The following PXK variants were observed in gnomAD, a reference collection of about 807,000 sequenced individuals.
PXK encodes the protein PX domain containing serine/threonine kinase like, also known as PX domain-containing protein kinase-like protein.
A neutral mutation model predicts 84.7 loss-of-function variants in PXK; 35 were observed. The observed-to-expected ratio is 0.41, with a 90% confidence interval of 0.32 to 0.55. The LOEUF is 0.55. Among genes scored for constraint, PXK ranks in the 20% least tolerant of loss-of-function variants. The probability of loss-of-function intolerance (pLI) is 0.21; values close to 1 mark genes in which losing one functional copy is unlikely to be tolerated. For missense variants in PXK, 634 were observed against 699.7 expected (o/e 0.91, Z 1.06); for synonymous variants, 253 against 260.8 (o/e 0.97, Z 0.29).
chr3:58,333,038 C>A lies in PXK; in HGVS notation c.50C>A (p.Thr17Lys). The change falls in exon 1 of 18, where the codon ACG becomes AAG. Residue 17 changes from threonine to lysine, a missense_variant. Thr to Lys is a moderately conservative substitution (Grantham distance 78). Transcript: ENST00000356151. The surrounding 1 kb of genome is among the most constrained non-coding windows in gnomAD (Gnocchi z 5.4). ...GCCGGCAAGGTGCTGCTGGACGACA[C>A]GGTGCCGCTGACAGCAGCCATCGAG... ...PPAGKVLLDD[T>K]VPLTAAIEAS... The A allele has an allele frequency of 7.4e-7, 1 of 1,353,378 alleles. No homozygotes were observed. Among genetic ancestry groups the A allele is most frequent in the Non-Finnish European group, 9.6e-7 (1 of 1,038,768 alleles). The allele number at this position is 1,353,378 out of a possible 1,614,324, so 83.8% of individuals were successfully genotyped here.
chr3:58,341,485 C>A (rs1276341634), intron 1 of PXK, among the ~76,000 whole-genome samples: 1 of 152,050 alleles, frequency 6.6e-6, no homozygotes, highest in East Asian at 1.9e-4. Flanking sequence ...TTGCTTGAAC[C>A]CAGGGGACGG....
At chr3:58,336,577 C>A (rs2097616413) in intron 1 of PXK, among the ~76,000 whole-genome samples, 1 of 152,028 alleles carries the variant, frequency 6.6e-6, no homozygotes, top group Non-Finnish European at 1.5e-5. Context: ...TGGTGAAAAG[C>A]CACACAGGTG....
intron 13 of PXK, 95 bp downstream of exon 13, chr3:58,404,005 A>C: frequency 1.2e-6 from 1 of 802,942 alleles, no homozygotes; most frequent in Non-Finnish European, 1.8e-6. Context: ...AAGATATATA[A>C]TAGGGAAAAT....
rs151001884 is a variant in PXK at position 58,395,006 on chromosome 3, C to A, written c.624C>A (p.Tyr208Ter). 3 of 1,611,574 alleles carry A rather than the reference C, an allele frequency of 1.9e-6. No individual in the cohort carries two copies. Among genetic ancestry groups the A allele is most frequent in the Non-Finnish European group, 2.5e-6 (3 of 1,177,876 alleles). The change falls in exon 8 of 18, where the codon TAC becomes TAA. Residue 208 changes from tyrosine to a stop codon, truncating the protein, a stop_gained. Coordinates refer to ENST00000356151, the MANE Select transcript of PXK (RefSeq NM_017771.5). LOFTEE classifies it high-confidence loss of function. Reference sequence around the variant, plus strand: ...CTTTTTTGTTTTGACAGCACCCTTACATCTATCGGGTTACCTTTGCCACAG... The same window carrying A: ...CTTTTTTGTTTTGACAGCACCCTTAAATCTATCGGGTTACCTTTGCCACAG... ...IKLLPSCLHP[Y>*]IYRVTFATAN...
chr3:58,352,350 A>G (rs2097948473), intron 1 of PXK, among the ~76,000 whole-genome samples: 1 of 152,150 alleles, frequency 6.6e-6, no homozygotes, highest in Admixed American at 6.5e-5. Flanking sequence ...GGAGCTGGCC[A>G]CCTCAGATAC....
intron 1 of PXK, among the ~76,000 whole-genome samples, chr3:58,348,331 C>CA (rs1361036335): frequency 6.6e-6 from 1 of 152,190 alleles, no homozygotes; most frequent in Non-Finnish European, 1.5e-5. Flanking sequence ...TGAAAGAGGA[C>CA]AAGCTAGTGG....
At chr3:58,406,731 T>A (rs937819135) in intron 13 of PXK, among the ~76,000 whole-genome samples, 7 of 152,104 alleles carry the variant, frequency 4.6e-5, no homozygotes, top group Non-Finnish European at 1.0e-4. Context: ...ACTCCCCATT[T>A]CTCCCTCCCC....
At chr3:58,337,368 A>G (rs545949528) in intron 1 of PXK, among the ~76,000 whole-genome samples, 6 of 152,340 alleles carry the variant, frequency 3.9e-5, no homozygotes, top group Admixed American at 1.3e-4. Context: ...TCATTCATTC[A>G]ACAAAAATGT....
chr3:58,418,094 C>T (rs895070308), intron 17 of PXK, among the ~76,000 whole-genome samples: 1 of 152,230 alleles, frequency 6.6e-6, no homozygotes, highest in Non-Finnish European at 1.5e-5. Context: ...AGTGGGATTA[C>T]AGGCATGAGC....
rs1359110449 is a variant in PXK at position 58,378,496 on chromosome 3, T to C, written c.202-4018T>C. On this transcript the variant is annotated intron_variant, in intron 3 of 17. Coordinates refer to ENST00000356151, the MANE Select transcript of PXK (RefSeq NM_017771.5). The stretch of plus-strand genomic sequence containing the variant: ...GATTTGGACTTCATTTTTCTTCTTT[T>C]TTTTTTTTTTTTTTTTTGTGTGTGT... 5.6e-4 allele frequency among the ~76,000 whole-genome samples: 20 copies of C among 35,440 alleles called. 2 individuals are homozygous for C. The highest frequency in any genetic ancestry group is 7.8e-4 in the Non-Finnish European group (11 of 14,152). 23.3% of individuals were successfully genotyped at this position (35,440 alleles called of 152,430 possible). A position where few individuals can be genotyped will look rare whatever the true frequency, so the allele number is the denominator to read the frequency against.
At chr3:58,415,303 T>C (rs2060789726) in intron 17 of PXK, among the ~76,000 whole-genome samples, 1 of 152,244 alleles carries the variant, frequency 6.6e-6, no homozygotes, top group Admixed American at 6.5e-5. Context: ...AACTACCTGC[T>C]CTTTCTGACA....
Position 58,383,019 on chromosome 3 carries a change from C to T in PXK, c.388+319C>T, listed in dbSNP as rs759201837. On this transcript the variant is annotated intron_variant, in intron 4 of 17. Transcript: ENST00000356151. The surrounding 1 kb of genome is among the most constrained non-coding windows in gnomAD (Gnocchi z 4.0). ...TAAGTAATCTACAATAGGCCAGACG[C>T]GGTGGCTCATGCCTATAATCCCAGC... is the stretch of plus-strand genomic sequence containing the variant. Among the ~76,000 whole-genome samples, 2 of 152,174 alleles carry T rather than the reference C, an allele frequency of 1.3e-5. No homozygotes were observed. The highest frequency in any genetic ancestry group is 2.4e-5 in the African/African-American group (1 of 41,434).
rs550690372 is a variant in PXK at position 58,407,475 on chromosome 3, A to G, written c.1231-1449A>G. The stretch of plus-strand genomic sequence containing the variant: ...ACCCCTTATCAGACCTATGATTTGC[A>G]AATATTGTGTCCCATTTCTTGAGTT... On this transcript the variant is annotated intron_variant, in intron 13 of 17. Coordinates refer to ENST00000356151, the MANE Select transcript of PXK (RefSeq NM_017771.5). This position sits in a 1 kb window ranked among gnomAD's most constrained non-coding sequence, Gnocchi z 4.3. Among the ~76,000 whole-genome samples the G allele has an allele frequency of 2.5e-4, 38 of 151,490 alleles. No homozygotes were observed. Among genetic ancestry groups the G allele is most frequent in the African/African-American group, 8.7e-4 (36 of 41,368 alleles).
intron 1 of PXK, among the ~76,000 whole-genome samples, chr3:58,337,408 G>T (rs75116253): frequency 0.11 from 16,206 of 152,156 alleles, 1,156 homozygotes; most frequent in African/African-American, 0.19. Flanking sequence ...CCAGGCACAT[G>T]CTAGAGATAG....
Position 58,401,799 on chromosome 3 carries a change from C to T in PXK, c.1182-2063C>T, listed in dbSNP as rs7625605. ...AAAATTAGCCGAGCGTGGTGGCGGGCGTCTGTAGTCCCAGCTACCCAGGAG... is the reference window on the plus strand; with the variant it reads ...AAAATTAGCCGAGCGTGGTGGCGGGTGTCTGTAGTCCCAGCTACCCAGGAG... On this transcript the variant is annotated intron_variant, in intron 12 of 17. Coordinates refer to ENST00000356151, the MANE Select transcript of PXK (RefSeq NM_017771.5). This position sits in a 1 kb window ranked among gnomAD's most constrained non-coding sequence, Gnocchi z 4.4. 0.13 allele frequency among the ~76,000 whole-genome samples: 19,691 copies of T among 151,774 alleles called. 1,953 individuals carry two copies. Among genetic ancestry groups the T allele is most frequent in the African/African-American group, 0.27 (11,188 of 41,298 alleles).
chr3:58,360,825 C>T (rs1316622664), intron 1 of PXK, among the ~76,000 whole-genome samples: 4 of 149,164 alleles, frequency 2.7e-5, no homozygotes, highest in Non-Finnish European at 5.9e-5. Context: ...AAGTGAGACC[C>T]CGACTGAAAA....
chr3:58,340,288 A>G (rs1390383439), intron 1 of PXK, among the ~76,000 whole-genome samples: 2 of 149,626 alleles, frequency 1.3e-5, no homozygotes, highest in Non-Finnish European at 1.5e-5. Flanking sequence ...ATACCTGGCT[A>G]ATTTTTAAAT....
In PXK at chr3:58,333,145, G is replaced by T. The variant is rs1377446042; in HGVS notation, c.102+55G>T. 4 of 983,094 alleles carry T rather than the reference G, an allele frequency of 4.1e-6. No individual in the cohort carries two copies. Among genetic ancestry groups the T allele is most frequent in the Non-Finnish European group, 4.9e-6 (4 of 815,166 alleles). The allele number at this position is 983,094 out of a possible 1,614,324, so 60.9% of individuals were successfully genotyped here. A position where few individuals can be genotyped will look rare whatever the true frequency, so the allele number is the denominator to read the frequency against. Reference sequence around the variant, plus strand: ...GTGGGGCGGCCCCGGGCCGCGAGGGGGCTGCGGGCTGCCTGGCGCGGGCCG... The same window carrying T: ...GTGGGGCGGCCCCGGGCCGCGAGGGTGCTGCGGGCTGCCTGGCGCGGGCCG... On this transcript the variant is annotated intron_variant, in intron 1 of 17. Transcript: ENST00000356151. This position sits in a 1 kb window ranked among gnomAD's most constrained non-coding sequence, Gnocchi z 5.4.
In PXK at chr3:58,414,213, A is replaced by T. The variant is rs1279344108; in HGVS notation, c.1528+1250A>T. ...ACTATATTAAGCCATTTTCTAGAAGATAGGATATTAATTTAACACCACTTG... is the reference window on the plus strand; with the variant it reads ...ACTATATTAAGCCATTTTCTAGAAGTTAGGATATTAATTTAACACCACTTG... On this transcript the variant is annotated intron_variant, in intron 17 of 17. Coordinates refer to ENST00000356151, the MANE Select transcript of PXK (RefSeq NM_017771.5). The surrounding 1 kb of genome is among the most constrained non-coding windows in gnomAD (Gnocchi z 4.5). 1 of 152,166 alleles carries T rather than the reference A, an allele frequency of 6.6e-6. No homozygotes were observed. The highest frequency in any genetic ancestry group is 1.5e-5 in the Non-Finnish European group (1 of 68,032). 9.4% of individuals were successfully genotyped at this position (152,166 alleles called of 1,614,324 possible).
Sources: gnomAD v4.1 joint callset for allele counts (sites outside exome capture counted in the v4.1 genomes callset) on GRCh38, gnomAD v4.1.1 for gene constraint, Gnocchi (gnomAD v3.1) non-coding constraint, MANE v1.5 for transcripts, NCBI Gene and HGNC (gene_info 2026-07-23, HGNC 2026-07-21) for gene names.